Variants in VCAN observed in about 807,000 individuals in gnomAD.
The protein encoded by VCAN is versican.
A neutral mutation model predicts 245.5 loss-of-function variants in VCAN; 44 were observed. The ratio of observed to expected loss-of-function variants is 0.18; its 90% CI spans 0.14 to 0.23. The LOEUF is 0.23. Among genes scored for constraint, VCAN ranks in the 10% least tolerant of loss-of-function variants. The pLI, the probability that VCAN is intolerant of heterozygous loss-of-function variation, is 1.00. For synonymous variants in VCAN, 1,413 were observed against 1,437.0 expected (o/e 0.98, Z 0.38); for missense variants, 3,793 against 4,057.9 (o/e 0.93, Z 1.77).
At position 83,532,789 on chromosome 5, in the gene VCAN, G is replaced by C. The variant is rs554838521; in HGVS notation, c.4004-4218G>C. On this transcript the variant is annotated intron_variant, in intron 7 of 14. Coordinates refer to ENST00000265077, the MANE Select transcript of VCAN (RefSeq NM_004385.5). ...AATAATAATAGTTGCTTAATTGTGA[G>C]ACTATTACTTTCAGAAAAAGGAAAC... Among the ~76,000 whole-genome samples, 13 of 152,118 alleles carry C rather than the reference G, an allele frequency of 8.5e-5. No homozygotes were observed. The South Asian group carries it at 2.3e-3, about 27-fold the overall frequency.
chr5:83,580,440 A>C lies in VCAN; in HGVS notation c.*6A>C, dbSNP rs1748633794. 6.2e-7 allele frequency: 1 copy of C among 1,613,690 alleles called. No individual in the cohort carries two copies. The highest frequency in any genetic ancestry group is 8.5e-7 in the Non-Finnish European group (1 of 1,179,802). On this transcript the variant is annotated 3_prime_UTR_variant, in exon 15 of 15. Transcript: ENST00000265077. ...GGCAGGAGTCGAGGCGCTGATCCCT[A>C]AAATGGCGAACATGTGTTTTCATCA... is the stretch of plus-strand genomic sequence containing the variant.
chr5:83,532,733 C>T (rs1249540028), intron 7 of VCAN, among the ~76,000 whole-genome samples: 1 of 151,942 alleles, frequency 6.6e-6, no homozygotes, highest in Non-Finnish European at 1.5e-5. Context: ...TCAATAAAAC[C>T]ATTTGCAAGT....
chr5:83,532,533 A>G (rs769021690), intron 7 of VCAN, among the ~76,000 whole-genome samples: 22 of 152,180 alleles, frequency 1.4e-4, no homozygotes, highest in Non-Finnish European at 2.8e-4. Flanking sequence ...GCCCTGGGTA[A>G]TTAACATTTC....
chr5:83,481,309 C>T (rs907313611), intron 1 of VCAN, among the ~76,000 whole-genome samples: 1 of 149,960 alleles, frequency 6.7e-6, no homozygotes, highest in Non-Finnish European at 1.5e-5. Flanking sequence ...CAGCTCACTG[C>T]AACCTCCACC....
chr5:83,488,210 G>A (rs976306022), intron 2 of VCAN, among the ~76,000 whole-genome samples: 1 of 152,198 alleles, frequency 6.6e-6, no homozygotes, highest in Non-Finnish European at 1.5e-5. Context: ...TTAAAGGAAT[G>A]TGAAATAGGT....
At position 83,539,964 on chromosome 5, in the gene VCAN, T is replaced by A. The variant is rs779561884; in HGVS notation, c.6961T>A (p.Phe2321Ile). The A allele has an allele frequency of 6.2e-7, 1 of 1,614,116 alleles. No homozygotes were observed. Among genetic ancestry groups the A allele is most frequent in the South Asian group, 1.1e-5 (1 of 91,082 alleles). ...VGPLVSQTDI[F>I]EGSGSVTSTT... Reference sequence around the variant, plus strand: ...ACCACTCGTATCTCAAACAGACATCTTTGAAGGTAGTGGGTCAGTAACCAG... The same window carrying A: ...ACCACTCGTATCTCAAACAGACATCATTGAAGGTAGTGGGTCAGTAACCAG... The change falls in exon 8 of 15, where the codon TTT (phenylalanine) becomes ATT (isoleucine). Residue 2321 changes from phenylalanine to isoleucine, a missense_variant. By Grantham distance (21) the Phe-to-Ile change is conservative. Coordinates refer to ENST00000265077, the MANE Select transcript of VCAN (RefSeq NM_004385.5).
chr5:83,569,165 C>G (rs1236977213), intron 12 of VCAN, among the ~76,000 whole-genome samples: 1 of 152,170 alleles, frequency 6.6e-6, no homozygotes, highest in Non-Finnish European at 1.5e-5. Flanking sequence ...ATGTCATTCA[C>G]ATCTGTGATT....
At chr5:83,490,026 C>T (rs1414098034) in intron 2 of VCAN, 72 bp from the exon 3 acceptor site, 1 of 1,539,204 alleles carries the variant, frequency 6.5e-7, no homozygotes, top group Non-Finnish European at 8.9e-7. Context: ...GGCTGCTTAT[C>T]CATTCACATA....
Position 83,538,316 on chromosome 5 carries a change from A to T in VCAN, c.5313A>T (p.Lys1771Asn), listed in dbSNP as rs1464088296. The change falls in exon 8 of 15, where the codon AAA (lysine) becomes AAT (asparagine). Residue 1771 changes from lysine (K) to asparagine (N), a missense_variant. Transcript: ENST00000265077. ...CATCTAGTGATTCAGGTACCAGGAA[A>T]AGTTTTATGTCCTTGACAACACCAA... Reference protein sequence around the residue: ...VATSSDSGTRKSFMSLTTPTQ... With the variant: ...VATSSDSGTRNSFMSLTTPTQ... 1.2e-6 allele frequency: 2 copies of T among 1,613,958 alleles called. No homozygotes were observed. The highest frequency in any genetic ancestry group is 2.7e-5 in the African/African-American group (2 of 74,926).
At chr5:83,571,824 A>ATTTT (rs1376999794) in intron 12 of VCAN, among the ~76,000 whole-genome samples, 1 of 152,222 alleles carries the variant, frequency 6.6e-6, no homozygotes, top group African/African-American at 2.4e-5. Context: ...AAGGTTGTAT[A>ATTTT]TAAAATGATT....
chr5:83,492,434 C>T (rs775876148), intron 3 of VCAN, among the ~76,000 whole-genome samples: 3 of 152,276 alleles, frequency 2.0e-5, no homozygotes, highest in Admixed American at 1.3e-4. Context: ...CCAGTTGCCT[C>T]AATTTCTATT....
At chr5:83,534,849 C>T (rs1301229141) in intron 7 of VCAN, among the ~76,000 whole-genome samples, 2 of 152,002 alleles carry the variant, frequency 1.3e-5, no homozygotes, top group Non-Finnish European at 2.9e-5. Context: ...ACATTTTCTT[C>T]ACATTCTGTT....
intron 12 of VCAN, among the ~76,000 whole-genome samples, chr5:83,559,564 A>G (rs1402087252): frequency 1.3e-5 from 2 of 151,942 alleles, no homozygotes; most frequent in Non-Finnish European, 2.9e-5. Context: ...TCCTCATTTC[A>G]TCTCACAAAC....
rs1481006453 is a variant in VCAN at position 83,541,473 on chromosome 5, A to G, written c.8470A>G (p.Thr2824Ala). 1 of 1,614,072 alleles carries G rather than the reference A, an allele frequency of 6.2e-7. No homozygotes were observed. Among genetic ancestry groups the G allele is most frequent in the South Asian group, 1.1e-5 (1 of 91,080 alleles). ...VSTFAKLSSQ[T>A]PSSPLTIYSG... is the part of the protein sequence containing the mutation. ...AACATTTGCGAAGTTGTCTTCTCAG[A>G]CACCATCATCTCCCCTCACTATCTA... Residue 2824 changes from threonine (T) to alanine (A), a missense_variant, in exon 8 of 15, where the codon ACA becomes GCA. Physicochemically the swap from Thr to Ala is moderately conservative, Grantham distance 58. Coordinates refer to ENST00000265077, the MANE Select transcript of VCAN (RefSeq NM_004385.5).
At chr5:83,555,161 T>A in intron 12 of VCAN, 123 bp downstream of exon 12, 1 of 953,522 alleles carries the variant, frequency 1.0e-6, no homozygotes, top group Non-Finnish European at 1.7e-6. Context: ...TCAAGGTCAC[T>A]CAGTGAAACA....
In VCAN at chr5:83,522,331, T is replaced by G; in HGVS notation, c.4003+22T>G. On this transcript the variant is annotated intron_variant, in intron 7 of 14. Transcript: ENST00000265077. Reference sequence around the variant, plus strand: ...ACAGGTAAGTCTTTGCTTTCTAGACTAGCATTGAAGGCAATCCTCATTTTA... The same window carrying G: ...ACAGGTAAGTCTTTGCTTTCTAGACGAGCATTGAAGGCAATCCTCATTTTA... 3.8e-6 allele frequency: 6 copies of G among 1,596,978 alleles called. No individual in the cohort carries two copies. In the South Asian group the frequency reaches 6.6e-5, roughly 18 times the overall value.
intron 12 of VCAN, among the ~76,000 whole-genome samples, chr5:83,560,155 AC>A (rs1020512101): frequency 1.4e-4 from 21 of 152,234 alleles, no homozygotes; most frequent in Admixed American, 2.6e-4. Flanking sequence ...TTTGCAATAA[AC>A]TTTGGGAATT....
intron 5 of VCAN, among the ~76,000 whole-genome samples, chr5:83,501,681 T>C (rs567445526): frequency 6.6e-4 from 100 of 152,324 alleles, no homozygotes; most frequent in Middle Eastern, 6.8e-3. Context: ...ACAATGTCTT[T>C]ATTACAATTG....
In VCAN at chr5:83,519,637, C is replaced by T. The variant is rs765391867; in HGVS notation, c.1331C>T (p.Ser444Leu). The T allele has an allele frequency of 7.4e-6, 12 of 1,614,148 alleles. No homozygotes were observed. The highest frequency in any genetic ancestry group is 6.7e-5 in the Admixed American group (4 of 60,024). ...WDMDDYSPSA[S>L]GPLGKLDISE... ...ATGGATGACTACTCACCTTCTGCTT[C>T]AGGACCTCTTGGAAAGCTAGACATA... The change falls in exon 7 of 15, where the codon TCA becomes TTA. Residue 444 changes from serine (S) to leucine (L), a missense_variant. This residue lies in a region of VCAN where 3,182 missense variants were observed against 3,250.3 expected (regional missense o/e 0.98). Coordinates refer to ENST00000265077, the MANE Select transcript of VCAN (RefSeq NM_004385.5).
Sources: gnomAD v4.1 joint callset for allele counts (sites outside exome capture counted in the v4.1 genomes callset) on GRCh38, gnomAD v4.1.1 for gene constraint, gnomAD v4.1.1 regional missense constraint, MANE v1.5 for transcripts, NCBI Gene and HGNC (gene_info 2026-07-23, HGNC 2026-07-21) for gene names.